Variants in C16orf95 observed in about 807,000 individuals in gnomAD.
The protein encoded by C16orf95 is uncharacterized protein C16orf95.
Under a neutral mutation model 32.1 loss-of-function variants are expected in C16orf95, and 41 were observed. That is an observed-to-expected ratio of 1.28 (90% CI 1.00 to 1.66). The LOEUF (loss-of-function observed/expected upper bound fraction) is 1.66. Among genes scored for constraint, C16orf95 ranks in the 40% most tolerant of loss-of-function variants. The pLI is 0.00. For synonymous variants in C16orf95, 147 were observed against 128.9 expected (o/e 1.14, Z -0.95); for missense variants, 399 against 325.9 (o/e 1.22, Z -1.73).
intron 1 of C16orf95, among the ~76,000 whole-genome samples, chr16:87,316,473 T>A (rs749279047): frequency 1.4e-4 from 21 of 152,208 alleles, no homozygotes; most frequent in Non-Finnish European, 2.2e-4. Flanking sequence ...GCGATATAAG[T>A]GTTTTTGGGT....
chr16:87,315,996 C>A (rs1447309923), intron 1 of C16orf95, among the ~76,000 whole-genome samples, 173 bp from the exon 2 acceptor site: 1 of 152,172 alleles, frequency 6.6e-6, no homozygotes, highest in African/African-American at 2.4e-5. Flanking sequence ...ACATCAGAAG[C>A]AGGCGTGTGC....
At chr16:87,303,261 C>A in intron 6 of C16orf95, 186 bp from the exon 7 acceptor site, 2 of 593,274 alleles carry the variant, frequency 3.4e-6, no homozygotes, top group South Asian at 4.1e-5. Flanking sequence ...CTGGCCATAT[C>A]GCTTTCCAGC....
intron 5 of C16orf95, among the ~76,000 whole-genome samples, chr16:87,308,078 G>C (rs1911106363): frequency 6.6e-6 from 1 of 152,232 alleles, no homozygotes; most frequent in Non-Finnish European, 1.5e-5. Context: ...GCACTGGTTT[G>C]ACAAGAGGAA....
At chr16:87,303,844 C>G (rs1210186319) in intron 6 of C16orf95, among the ~76,000 whole-genome samples, 1 of 152,160 alleles carries the variant, frequency 6.6e-6, no homozygotes, top group Non-Finnish European at 1.5e-5. Context: ...CCCAGGCCCT[C>G]CCCAGAACAG....
At chr16:87,303,227 A>G in intron 6 of C16orf95, 152 bp from the exon 7 acceptor site, 2 of 742,358 alleles carry the variant, frequency 2.7e-6, no homozygotes, top group Non-Finnish European at 4.6e-6. Context: ...GAAGGGGTGC[A>G]GGGATGAGGG....
intron 3 of C16orf95, among the ~76,000 whole-genome samples, chr16:87,311,841 G>T (rs1190794175): frequency 6.6e-6 from 1 of 152,196 alleles, no homozygotes; most frequent in Non-Finnish European, 1.5e-5. Flanking sequence ...TGTCAGGAGT[G>T]AATGGACAGC....
At chr16:87,315,420 G>A (rs1471618528) in intron 2 of C16orf95, among the ~76,000 whole-genome samples, 1 of 152,228 alleles carries the variant, frequency 6.6e-6, no homozygotes, top group African/African-American at 2.4e-5. Context: ...GCGCACATGA[G>A]TGCTGCCTTT....
chr16:87,314,891 CT>C, intron 3 of C16orf95, 79 bp downstream of exon 3: 1 of 1,208,976 alleles, frequency 8.3e-7, no homozygotes, highest in Admixed American at 2.7e-5. Context: ...TCATATAATA[CT>C]TCTAATTCTG....
At chr16:87,316,096 G>A (rs1904326942) in intron 1 of C16orf95, among the ~76,000 whole-genome samples, 1 of 152,200 alleles carries the variant, frequency 6.6e-6, no homozygotes, top group Non-Finnish European at 1.5e-5. Flanking sequence ...GCTGACTCCA[G>A]CTACACTTGT....
chr16:87,309,190 T>C (rs1370828198), intron 5 of C16orf95, among the ~76,000 whole-genome samples: 2 of 152,126 alleles, frequency 1.3e-5, no homozygotes, highest in African/African-American at 4.8e-5. Flanking sequence ...GCAGAGTTCA[T>C]GCTGCTCTGA....
chr16:87,314,458 A>G (rs901636486), intron 3 of C16orf95, among the ~76,000 whole-genome samples: 1 of 152,238 alleles, frequency 6.6e-6, no homozygotes, highest in Non-Finnish European at 1.5e-5. Flanking sequence ...AAAAATGCAA[A>G]TTAATCTACA....
chr16:87,309,717 C>T (rs1225633895), intron 5 of C16orf95, among the ~76,000 whole-genome samples: 1 of 152,042 alleles, frequency 6.6e-6, no homozygotes, highest in East Asian at 1.9e-4. Context: ...TTTTTCAAGG[C>T]CCCTCACATG....
intron 5 of C16orf95, 54 bp downstream of exon 5, chr16:87,310,243 A>G: frequency 6.6e-7 from 1 of 1,514,142 alleles, no homozygotes; most frequent in South Asian, 1.2e-5. Context: ...ATGCTCACGA[A>G]CCCCACCTTT....
chr16:87,314,217 A>C (rs951690489), intron 3 of C16orf95, among the ~76,000 whole-genome samples: 1 of 152,336 alleles, frequency 6.6e-6, no homozygotes, highest in African/African-American at 2.4e-5. Context: ...TTGTACACAA[A>C]TGTTCATAGC....
intron 3 of C16orf95, among the ~76,000 whole-genome samples, chr16:87,312,215 G>A (rs78952778): frequency 6.6e-6 from 1 of 152,322 alleles, no homozygotes; most frequent in African/African-American, 2.4e-5. Flanking sequence ...AACAGGATGA[G>A]GAGGAGGTTA....
rs1393719329 is a variant in C16orf95 at position 87,305,373 on chromosome 16, T to C, written c.701+346A>G. Among the ~76,000 whole-genome samples the C allele has an allele frequency of 1.3e-5, 2 of 152,038 alleles. No homozygotes were observed. The highest frequency in any genetic ancestry group is 2.4e-5 in the African/African-American group (1 of 41,388). ...TCAGAGGCTGGAGGGTGAGTGGCTG[T>C]TAAGATGCACCGTCAACCCCAACAT... is the stretch of plus-strand genomic sequence containing the variant. On this transcript the variant is annotated intron_variant, in intron 6 of 6. Coordinates refer to ENST00000567970, the MANE Select transcript of C16orf95 (RefSeq NM_001195124.3). This position sits in a 1 kb window ranked among gnomAD's most constrained non-coding sequence, Gnocchi z 4.2.
At chr16:87,303,098 T>C in intron 6 of C16orf95, 23 bp from the exon 7 acceptor site, 4 of 1,536,020 alleles carry the variant, frequency 2.6e-6, no homozygotes, top group Non-Finnish European at 2.6e-6. Context: ...GAGAGACAGT[T>C]ACTAGGACCC....
intron 3 of C16orf95, 136 bp from the exon 4 acceptor site, chr16:87,311,432 T>C: frequency 4.7e-6 from 4 of 858,572 alleles, no homozygotes; most frequent in Non-Finnish European, 6.9e-6. Context: ...GGAGAGCTGT[T>C]CCCACCCACA....
At chr16:87,314,589 GT>G (rs1022711099) in intron 3 of C16orf95, among the ~76,000 whole-genome samples, 1 of 152,212 alleles carries the variant, frequency 6.6e-6, no homozygotes, top group African/African-American at 2.4e-5. Context: ...CTTGATGGTG[GT>G]GGTGGGTTCA....
Sources: gnomAD v4.1 joint callset for allele counts (sites outside exome capture counted in the v4.1 genomes callset) on GRCh38, gnomAD v4.1.1 for gene constraint, Gnocchi (gnomAD v3.1) non-coding constraint, MANE v1.5 for transcripts, NCBI Gene and HGNC (gene_info 2026-07-23, HGNC 2026-07-21) for gene names.